MRPL24: variants seen among roughly 807,000 people sequenced by gnomAD.
MRPL24 encodes the protein mitochondrial ribosomal protein L24, also known as large ribosomal subunit protein uL24m.
MRPL24 carries 15 observed loss-of-function variants against 26.9 expected under a neutral mutation model. The observed-to-expected ratio is 0.56, with a 90% CI of 0.37 to 0.86. The LOEUF is 0.86. Among genes scored for constraint, MRPL24 ranks in the 40% least tolerant of loss-of-function variants. The pLI, the probability that MRPL24 is intolerant of heterozygous loss-of-function variation, is 0.00. For missense variants in MRPL24, 241 were observed against 281.4 expected (o/e 0.86, Z 1.03); for synonymous variants, 92 against 102.4 (o/e 0.90, Z 0.62).
intron 4 of MRPL24, 29 bp downstream of exon 4, chr1:156,738,002 A>G: frequency 6.3e-7 from 1 of 1,597,378 alleles, no homozygotes; most frequent in East Asian, 2.2e-5. Context: ...GAGGGTGAGA[A>G]ACCCTCTGCC....
chr1:156,741,710 C>G (rs1332041991), upstream of MRPL24: 1 of 152,184 alleles, frequency 6.6e-6, no homozygotes, highest in African/African-American at 2.4e-5. Context: ...GTGGCAGGTA[C>G]CCCTAGCATT....
chr1:156,737,593 C>A lies in MRPL24; in HGVS notation c.514+53G>T. 3 of 1,609,736 alleles carry A rather than the reference C, an allele frequency of 1.9e-6. No individual in the cohort carries two copies. In the Admixed American group the frequency reaches 5.0e-5, roughly 27 times the overall value. ...GGGCTTGCCAACTTTCATTAATGTCCCCTACTCTCACTCCTAGCACCCACC... is the reference window on the plus strand; with the variant it reads ...GGGCTTGCCAACTTTCATTAATGTCACCTACTCTCACTCCTAGCACCCACC... On this transcript the variant is annotated intron_variant, in intron 5 of 5. Transcript: ENST00000361531.
Position 156,738,619 on chromosome 1 carries a change from A to G in MRPL24, c.86T>C (p.Val29Ala), listed in dbSNP as rs1342416660. The stretch of plus-strand genomic sequence containing the variant: ...TGGGGGGTTCTTCCTCTTGTCTGCA[A>G]CAGAGCCTGGGGGGCTCATCCCATA... ...YRYGMSPPGS[V>A]ADKRKNPPWI... Residue 29 changes from valine (V) to alanine (A), a missense_variant, in exon 2 of 6, where the codon GTT becomes GCT. Coordinates refer to ENST00000361531, the MANE Select transcript of MRPL24 (RefSeq NM_145729.3). The G allele has an allele frequency of 8.1e-6, 13 of 1,612,680 alleles. No homozygotes were observed. The highest frequency in any genetic ancestry group is 9.3e-6 in the Non-Finnish European group (11 of 1,179,446).
rs1571533052 is a variant in MRPL24 at position 156,741,051 on chromosome 1, A to G, written c.-100T>C. ...GGCACCTCTAGGGCGGGCGGCCCTC[A>G]CCTCCACTTTCCGCGGCACTTCGGA... On this transcript the variant is annotated 5_prime_UTR_variant, in exon 1 of 6. Transcript: ENST00000361531. The G allele has an allele frequency of 6.6e-6, 1 of 151,716 alleles. No homozygotes were observed. The highest frequency in any genetic ancestry group is 1.5e-5 in the Non-Finnish European group (1 of 67,974). The allele number at this position is 151,716 out of a possible 1,614,324, so 9.4% of individuals were successfully genotyped here.
chr1:156,738,563 G>A lies in MRPL24; in HGVS notation c.142C>T (p.Pro48Ser), dbSNP rs771474237. 43 of 1,613,974 alleles carry A rather than the reference G, an allele frequency of 2.7e-5. No individual in the cohort carries two copies. The South Asian group carries it at 4.2e-4, about 16-fold the overall frequency. ...AGATACCAGTCTTCATCAGAGATGG[G>A]TTCCACAACCACTGGGCGCCGCCTG... The part of the protein sequence containing the change: ...WIRRRPVVVE[P>S]ISDEDWYLFC... Residue 48 changes from proline (P) to serine (S), a missense_variant, in exon 2 of 6, where the codon CCC (proline) becomes TCC (serine). By Grantham distance (74) the Pro-to-Ser change is moderately conservative (BLOSUM62 -1). Coordinates refer to ENST00000361531, the MANE Select transcript of MRPL24 (RefSeq NM_145729.3).
chr1:156,737,841 G>C, intron 4 of MRPL24, 65 bp from the exon 5 acceptor site: 1 of 1,596,040 alleles, frequency 6.3e-7, no homozygotes, highest in South Asian at 1.1e-5. Flanking sequence ...CAACCCAAAA[G>C]AGTCAGTGGT....
chr1:156,738,362 A>G lies in MRPL24; in HGVS notation c.260T>C (p.Val87Ala). 1.2e-6 allele frequency: 2 copies of G among 1,613,938 alleles called. No homozygotes were observed. The highest frequency in any genetic ancestry group is 1.7e-6 in the Non-Finnish European group (2 of 1,179,994). Residue 87 changes from valine (V) to alanine (A), a missense_variant, in exon 3 of 6, where the codon GTC becomes GCC. Transcript: ENST00000361531. ...ACTTACTGTGTTCAGCCCTCCCACGACCACCCAGTTTCGCTGCCGGATAAC... is the reference window on the plus strand; with the variant it reads ...ACTTACTGTGTTCAGCCCTCCCACGGCCACCCAGTTTCGCTGCCGGATAAC... ...VQVIRQRNWV[V>A]VGGLNTHYRY...
chr1:156,741,238 C>CGG (rs577928415), upstream of MRPL24: 1 of 152,144 alleles, frequency 6.6e-6, no homozygotes, highest in African/African-American at 2.4e-5. Flanking sequence ...GGAAGTTTGG[C>CGG]GGGGGTAGGA....
chr1:156,737,705 C>G lies in MRPL24; in HGVS notation c.455G>C (p.Arg152Thr), dbSNP rs1055456100. Residue 152 changes from arginine (R) to threonine (T), a missense_variant, in exon 5 of 6, where the codon AGA (arginine) becomes ACA (threonine). Transcript: ENST00000361531. ...GGGAAATTCGGGTTTAGGGATAATT[C>G]TCCCTGATCGTGTGGAGACTCGTAC... ...ERVRVSTRSG[R>T]IIPKPEFPRA... 1 of 1,614,162 alleles carries G rather than the reference C, an allele frequency of 6.2e-7. No homozygotes were observed. Among genetic ancestry groups the G allele is most frequent in the Non-Finnish European group, 8.5e-7 (1 of 1,180,028 alleles).
Position 156,737,655 on chromosome 1 carries a change from T to C in MRPL24, c.505A>G (p.Thr169Ala), listed in dbSNP as rs1374347050. Residue 169 changes from threonine (T) to alanine (A), a missense_variant, in exon 5 of 6, where the codon ACG becomes GCG. Coordinates refer to ENST00000361531, the MANE Select transcript of MRPL24 (RefSeq NM_145729.3). ...TGCCCCTCACTCTCACCAATCCACG[T>C]TTCAGGGACGATGCCATCAGCTCTG... The part of the protein sequence containing the change: ...FPRADGIVPE[T>A]WIDGPKDTSV... 2 of 1,614,144 alleles carry C rather than the reference T, an allele frequency of 1.2e-6. No individual in the cohort carries two copies. The highest frequency in any genetic ancestry group is 2.7e-5 in the African/African-American group (2 of 75,022).
rs770185947 is a variant in MRPL24 at position 156,738,326 on chromosome 1, C to T, written c.279+17G>A. On this transcript the variant is annotated intron_variant, in intron 3 of 5. Transcript: ENST00000361531. ...AGACAGGCTTCCTGAGCATCCCCAT[C>T]CCCTCTCTCAACTTACTGTGTTCAG... 1.2e-6 allele frequency: 2 copies of T among 1,611,276 alleles called. No individual in the cohort carries two copies. The highest frequency in any genetic ancestry group is 2.7e-5 in the African/African-American group (2 of 74,974).
chr1:156,737,600 C>T, intron 5 of MRPL24, 46 bp downstream of exon 5: 1 of 1,611,242 alleles, frequency 6.2e-7, no homozygotes, highest in Non-Finnish European at 8.5e-7. Flanking sequence ...GTCCCCTACT[C>T]TCACTCCTAG....
In MRPL24 at chr1:156,738,525, G is replaced by A; in HGVS notation, c.180C>T (p.Asp60=). 6.2e-7 allele frequency: 1 copy of A among 1,614,112 alleles called. No individual in the cohort carries two copies. ...SDEDWYLFCG[D]TVEILEGKDA... is the part of the protein sequence containing the mutation. ...ACCCCCTGTATGAGGCTCTCACCGT[G>A]TCCCCACAGAACAGATACCAGTCTT... The change falls in exon 2 of 6, where the codon GAC becomes GAT. Residue 60 remains aspartate, a synonymous_variant. Coordinates refer to ENST00000361531, the MANE Select transcript of MRPL24 (RefSeq NM_145729.3).
upstream of MRPL24, chr1:156,742,115 T>C (rs1309876460): frequency 6.6e-6 from 1 of 152,650 alleles, no homozygotes; most frequent in Non-Finnish European, 1.5e-5. Context: ...AATATAGTAA[T>C]CAACGGGTTT....
upstream of MRPL24, chr1:156,742,609 T>C (rs1650206162): frequency 6.5e-6 from 1 of 152,906 alleles, no homozygotes; most frequent in Admixed American, 6.5e-5. Context: ...TATATGACTA[T>C]AAGCTGGCCT....
rs561480932 is a variant in MRPL24, at chr1:156,739,440, G to A, written c.-60-676C>T. On this transcript the variant is annotated intron_variant, in intron 1 of 5. Coordinates refer to ENST00000361531, the MANE Select transcript of MRPL24 (RefSeq NM_145729.3). The stretch of plus-strand genomic sequence containing the variant: ...TAACTGAATACTTGCAACTTACCAC[G>A]TGCCATGCTAAGTGCTTTCCTGTAT... Among the ~76,000 whole-genome samples the A allele has an allele frequency of 2.0e-4, 31 of 152,200 alleles. No individual in the cohort carries two copies. In the South Asian group the frequency reaches 3.9e-3, roughly 19 times the overall value.
upstream of MRPL24, chr1:156,742,539 T>C (rs1027376790): frequency 6.5e-6 from 1 of 152,744 alleles, no homozygotes; most frequent in African/African-American, 2.4e-5. Context: ...TTTTTTGTAA[T>C]TTTCTTTTAT....
Position 156,738,369 on chromosome 1 carries a change from A to C in MRPL24, c.253T>G (p.Trp85Gly), listed in dbSNP as rs1200230466. 7 of 1,614,042 alleles carry C rather than the reference A, an allele frequency of 4.3e-6. No homozygotes were observed. The highest frequency in any genetic ancestry group is 3.3e-4 in the Middle Eastern group (2 of 6,062). ...GTGTTCAGCCCTCCCACGACCACCC[A>C]GTTTCGCTGCCGGATAACTTGAACC... ...KVVQVIRQRN[W>G]VVVGGLNTHY... is the part of the protein sequence containing the mutation. Residue 85 changes from tryptophan to glycine, a missense_variant, in exon 3 of 6, where the codon TGG (tryptophan) becomes GGG (glycine). Physicochemically the swap from Trp to Gly is radical, Grantham distance 184. Coordinates refer to ENST00000361531, the MANE Select transcript of MRPL24 (RefSeq NM_145729.3).
At chr1:156,741,992 G>A (rs1246301702), upstream of MRPL24, 3 of 152,620 alleles carry the variant, frequency 2.0e-5, no homozygotes, top group Admixed American at 1.3e-4. Context: ...AAAAATGGAG[G>A]AGGTTGACAC....
Sources: gnomAD v4.1 joint callset for allele counts (sites outside exome capture counted in the v4.1 genomes callset) on GRCh38, gnomAD v4.1.1 for gene constraint, MANE v1.5 for transcripts, NCBI Gene and HGNC (gene_info 2026-07-23, HGNC 2026-07-21) for gene names.